PDGFRL: variants seen among roughly 807,000 people sequenced by gnomAD.
The protein encoded by PDGFRL is platelet-derived growth factor receptor-like protein.
In PDGFRL, 46 loss-of-function variants were observed where a neutral mutation model predicts 37.2. The ratio of observed to expected loss-of-function variants is 1.24; its 90% CI spans 0.98 to 1.58. The LOEUF is 1.58. Among genes scored for constraint, PDGFRL ranks in the 40% most tolerant of loss-of-function variants. The pLI is 0.00. For missense variants in PDGFRL, 692 were observed against 467.6 expected, an observed-to-expected ratio of 1.48 and a Z score of -4.43; for synonymous variants, 251 against 184.3, an observed-to-expected ratio of 1.36 and a Z score of -2.93.
chr8:17,607,411 A>G (rs978813505), intron 2 of PDGFRL, among the ~76,000 whole-genome samples: 22 of 152,218 alleles, frequency 1.4e-4, no homozygotes, highest in African/African-American at 5.3e-4. Context: ...TATTTAAAAA[A>G]ACAACAAAAA....
At chr8:17,584,588 G>GTCCT (rs1298310315) in intron 1 of PDGFRL, among the ~76,000 whole-genome samples, 1 of 152,020 alleles carries the variant, frequency 6.6e-6, no homozygotes, top group East Asian at 1.9e-4. Context: ...GCAGCACAGG[G>GTCCT]TCCTGCGAGC....
At chr8:17,620,951 T>G in intron 2 of PDGFRL, 100 bp from the exon 3 acceptor site, 1 of 665,670 alleles carries the variant, frequency 1.5e-6, no homozygotes, top group Non-Finnish European at 2.3e-6. Context: ...GGAGAAAGAT[T>G]GGGGCAAGTC....
intron 5 of PDGFRL, among the ~76,000 whole-genome samples, chr8:17,639,072 G>T (rs549435737): frequency 9.2e-5 from 14 of 151,708 alleles, no homozygotes; most frequent in African/African-American, 3.4e-4. Flanking sequence ...CAAACAAAAA[G>T]AATAGCTACT....
At chr8:17,620,571 G>C (rs181090628) in intron 2 of PDGFRL, among the ~76,000 whole-genome samples, 10 of 152,216 alleles carry the variant, frequency 6.6e-5, no homozygotes, top group Non-Finnish European at 1.3e-4. Flanking sequence ...GTTTAAGTTA[G>C]GGTTCACATC....
At chr8:17,637,569 G>A (rs536082390) in intron 5 of PDGFRL, among the ~76,000 whole-genome samples, 1 of 152,118 alleles carries the variant, frequency 6.6e-6, no homozygotes, top group Non-Finnish European at 1.5e-5. Context: ...TGGTATTAGG[G>A]TGATACTGGC....
intron 2 of PDGFRL, among the ~76,000 whole-genome samples, chr8:17,597,782 A>T (rs1804085786): frequency 6.6e-6 from 1 of 152,192 alleles, no homozygotes; most frequent in East Asian, 1.9e-4. Flanking sequence ...ATGCTGCCTC[A>T]GTTTCTTAGC....
chr8:17,612,426 C>T (rs534513830), intron 2 of PDGFRL, among the ~76,000 whole-genome samples: 4 of 152,058 alleles, frequency 2.6e-5, no homozygotes, highest in African/African-American at 9.7e-5. Context: ...GGCCATAGTG[C>T]AGTGGCATGA....
chr8:17,641,896 T>TCCCCCCCCCCCCCCCCCCCCC (rs144394170), intron 5 of PDGFRL, among the ~76,000 whole-genome samples: 7 of 103,952 alleles, frequency 6.7e-5, no homozygotes, highest in African/African-American at 9.4e-5. Flanking sequence ...TCAATAGAGG[T>TCCCCCCCCCCCCCCCCCCCCC]CCCCGCCACA....
At chr8:17,586,850 G>T (rs1803829617) in intron 1 of PDGFRL, among the ~76,000 whole-genome samples, 2 of 152,194 alleles carry the variant, frequency 1.3e-5, no homozygotes, top group South Asian at 4.1e-4. Context: ...CAGCCAGTAA[G>T]TGGCAGGCCT....
chr8:17,596,651 G>C (rs2705040), intron 2 of PDGFRL, among the ~76,000 whole-genome samples: 21,955 of 152,160 alleles, frequency 0.14, 4,238 homozygotes, highest in African/African-American at 0.43. Context: ...TATTCAGCAT[G>C]TGAAAAAACA....
chr8:17,586,747 A>C (rs1803827224), intron 1 of PDGFRL, among the ~76,000 whole-genome samples: 1 of 152,148 alleles, frequency 6.6e-6, no homozygotes. Flanking sequence ...AGTAATTATT[A>C]CAGTTATTAT....
chr8:17,591,174 G>A (rs139807195), intron 2 of PDGFRL, among the ~76,000 whole-genome samples: 7 of 152,054 alleles, frequency 4.6e-5, no homozygotes, highest in African/African-American at 1.4e-4. Context: ...GAGCCACCGC[G>A]CCTGGCTGCT....
chr8:17,602,020 T>C (rs1804176010), intron 2 of PDGFRL, among the ~76,000 whole-genome samples: 1 of 152,174 alleles, frequency 6.6e-6, no homozygotes, highest in Non-Finnish European at 1.5e-5. Flanking sequence ...TAGCTCTAAG[T>C]TCTTCAAGAA....
intron 2 of PDGFRL, among the ~76,000 whole-genome samples, chr8:17,612,256 C>G (rs779712891): frequency 2.0e-5 from 3 of 152,230 alleles, no homozygotes; most frequent in Non-Finnish European, 2.9e-5. Context: ...CTTGTGCTTA[C>G]GCATTTATGC....
chr8:17,612,086 T>C (rs1804428898), intron 2 of PDGFRL, among the ~76,000 whole-genome samples: 1 of 152,192 alleles, frequency 6.6e-6, no homozygotes, highest in Non-Finnish European at 1.5e-5. Flanking sequence ...TGATGTGTTA[T>C]ACTCCAGTTG....
At chr8:17,588,454 G>T (rs2705024) in intron 1 of PDGFRL, among the ~76,000 whole-genome samples, 4,633 of 151,886 alleles carry the variant, frequency 0.031, 178 homozygotes, top group East Asian at 0.12. Flanking sequence ...ACGTGGGAGG[G>T]TTGCTTGAGG....
chr8:17,584,180 T>G (rs1218707851), intron 1 of PDGFRL, among the ~76,000 whole-genome samples: 1 of 152,028 alleles, frequency 6.6e-6, no homozygotes, highest in South Asian at 2.1e-4. Flanking sequence ...GAGAGGAAAA[T>G]TTAAAACAAG....
At chr8:17,584,793 A>G (rs769254437) in intron 1 of PDGFRL, among the ~76,000 whole-genome samples, 9 of 152,068 alleles carry the variant, frequency 5.9e-5, no homozygotes, top group Non-Finnish European at 8.8e-5. Context: ...ACCGCAAGAA[A>G]AAGTTCTTGG....
intron 2 of PDGFRL, among the ~76,000 whole-genome samples, chr8:17,616,834 A>G (rs1026946736): frequency 3.3e-5 from 5 of 152,126 alleles, no homozygotes; most frequent in African/African-American, 1.2e-4. Context: ...TATAATACCA[A>G]TGAATCATTA....
Sources: gnomAD v4.1 joint callset for allele counts (sites outside exome capture counted in the v4.1 genomes callset) on GRCh38, gnomAD v4.1.1 for gene constraint, MANE v1.5 for transcripts, NCBI Gene and HGNC (gene_info 2026-07-23, HGNC 2026-07-21) for gene names.